Variants in IQSEC1 observed in about 807,000 individuals in gnomAD.
IQSEC1 encodes IQ motif and SEC7 domain-containing protein 1.
Under a neutral mutation model 91.0 loss-of-function variants are expected in IQSEC1, and 31 were observed. The observed-to-expected ratio is 0.34, with a 90% CI of 0.26 to 0.46. The LOEUF (loss-of-function observed/expected upper bound fraction) is 0.46, where lower values mean the gene tolerates loss of function less well. Ranked by LOEUF, IQSEC1 falls within the 20% of genes least tolerant of loss-of-function variation. The probability of loss-of-function intolerance (pLI) is 1.00; values close to 1 mark genes in which losing one functional copy is unlikely to be tolerated. For synonymous variants in IQSEC1, 699 were observed against 662.6 expected, an observed-to-expected ratio of 1.05 and a Z score of -0.84; for missense variants, 1,388 against 1,575.6, an observed-to-expected ratio of 0.88 and a Z score of 2.02.
intron 1 of IQSEC1, chr3:13,047,397 G>A (rs1413083936): frequency 1.9e-5 from 15 of 795,066 alleles, no homozygotes; most frequent in Non-Finnish European, 2.3e-5. Context: ...AGGGCTCTTG[G>A]AGGCCTGCCT....
chr3:13,126,179 CCTCA>C (rs753585449), intron 2 of IQSEC1, among the ~76,000 whole-genome samples: 2 of 110,106 alleles, frequency 1.8e-5, no homozygotes, highest in East Asian at 5.6e-4. Context: ...ATATCCATGC[CCTCA>C]AACATTCTCT....
At chr3:12,939,537 T>C (rs1698557604) in intron 2 of IQSEC1, among the ~76,000 whole-genome samples, 1 of 152,230 alleles carries the variant, frequency 6.6e-6, no homozygotes, top group African/African-American at 2.4e-5. Flanking sequence ...CCCTACTTTT[T>C]CATCTGGTGA....
At chr3:13,077,287 CAG>C (rs1327409751), upstream of IQSEC1, among the ~76,000 whole-genome samples, 1 of 152,134 alleles carries the variant, frequency 6.6e-6, no homozygotes, top group Non-Finnish European at 1.5e-5. Context: ...CTACAAGAAA[CAG>C]AACATGACGA....
rs376112383 is a variant in IQSEC1, at chr3:13,005,074, T to C, written c.24-63209A>G. ...GCTTTGATAAATAAAATTCACAGAC[T>C]CCAAAGTTATCTAAAAATTGGTTCT... is the stretch of plus-strand genomic sequence containing the variant. On this transcript the variant is annotated intron_variant, in intron 1 of 13. Coordinates refer to ENST00000613206, the MANE Select transcript of IQSEC1 (RefSeq NM_001134382.3). Among the ~76,000 whole-genome samples the C allele has an allele frequency of 1.8e-4, 28 of 152,290 alleles. No individual in the cohort carries two copies. The South Asian group carries it at 3.9e-3, about 21-fold the overall frequency.
intron 2 of IQSEC1, among the ~76,000 whole-genome samples, chr3:13,120,013 C>T (rs1017520370): frequency 1.3e-5 from 2 of 152,186 alleles, no homozygotes; most frequent in African/African-American, 4.8e-5. Flanking sequence ...TCTCTGCTCG[C>T]CTGGGCAGGC....
chr3:13,121,448 G>A (rs952709727), intron 2 of IQSEC1, among the ~76,000 whole-genome samples: 7 of 152,260 alleles, frequency 4.6e-5, no homozygotes, highest in Admixed American at 4.6e-4. Context: ...GTGGTTATCT[G>A]CTGAGTGAGT....
rs34002295 is a variant in IQSEC1, at chr3:13,117,569, C to CAAAAAAAAA, written c.302+46526_302+46534dup. Among the ~76,000 whole-genome samples the CAAAAAAAAA allele has an allele frequency of 2.1e-3, 20 of 9,460 alleles. 6 individuals carry two copies. The highest frequency in any genetic ancestry group is 7.7e-3 in the African/African-American group (18 of 2,350). The allele number at this position is 9,460 out of a possible 152,430, so 6.2% of individuals were successfully genotyped here. A position where few individuals can be genotyped will look rare whatever the true frequency, so the allele number is the denominator to read the frequency against. ...CTGGTGACAGAGCAAGACTCCGTCTCAAAAAAAAAAAAAAAAAAAAAAAAA... is the reference window on the plus strand; with the variant it reads ...CTGGTGACAGAGCAAGACTCCGTCTCAAAAAAAAAAAAAAAAAAAAAAAAAAAAAAAAAA... On this transcript the variant is annotated intron_variant, in intron 2 of 15. Transcript: ENST00000648114.
At chr3:12,939,630 A>G (rs1698565889) in intron 2 of IQSEC1, among the ~76,000 whole-genome samples, 1 of 152,068 alleles carries the variant, frequency 6.6e-6, no homozygotes, top group Non-Finnish European at 1.5e-5. Context: ...GTGGCCCTTG[A>G]TGTCGCCTCC....
intron 1 of IQSEC1, among the ~76,000 whole-genome samples, chr3:13,257,821 T>C (rs1695318129): frequency 1.3e-5 from 2 of 152,256 alleles, no homozygotes; most frequent in South Asian, 4.1e-4. Flanking sequence ...CACTCCTTGC[T>C]GTTTACTTAA....
At chr3:13,179,069 T>C (rs889308607) in intron 1 of IQSEC1, among the ~76,000 whole-genome samples, 2 of 152,228 alleles carry the variant, frequency 1.3e-5, no homozygotes, top group African/African-American at 4.8e-5. Context: ...ATTTCCTCCC[T>C]GCTACATAAA....
At chr3:12,918,693 G>A (rs1696338045) in intron 6 of IQSEC1, among the ~76,000 whole-genome samples, 3 of 152,176 alleles carry the variant, frequency 2.0e-5, no homozygotes, top group East Asian at 1.9e-4. Flanking sequence ...ATGGCAGTTC[G>A]CGCCTGTGGT....
At chr3:13,013,013 T>C (rs1357495601) in intron 1 of IQSEC1, among the ~76,000 whole-genome samples, 1 of 130,310 alleles carries the variant, frequency 7.7e-6, no homozygotes. Context: ...AAGGCTGGAG[T>C]GCAGTGGCAC....
chr3:13,156,807 T>C (rs6442353), intron 2 of IQSEC1, among the ~76,000 whole-genome samples: 85,267 of 151,434 alleles, frequency 0.56, 24,028 homozygotes, highest in Middle Eastern at 0.61. Flanking sequence ...TGAGGAGAAC[T>C]CATCTTGGGT....
At chr3:13,163,870 A>G (rs1693409106) in intron 2 of IQSEC1, among the ~76,000 whole-genome samples, 1 of 152,030 alleles carries the variant, frequency 6.6e-6, no homozygotes, top group Non-Finnish European at 1.5e-5. Context: ...TGCAGAGGTC[A>G]CTCTAAACAC....
chr3:13,154,403 A>G (rs1707047449), intron 2 of IQSEC1, among the ~76,000 whole-genome samples: 2 of 138,434 alleles, frequency 1.4e-5, no homozygotes, highest in Non-Finnish European at 3.1e-5. Context: ...TCACTGCCTG[A>G]CATGGAAACA....
In IQSEC1 at chr3:13,264,818, C is replaced by T. The variant is rs146741708; in HGVS notation, c.272+17893G>A. 1.8e-3 allele frequency among the ~76,000 whole-genome samples: 276 copies of T among 151,854 alleles called. 3 individuals carry two copies. The highest frequency in any genetic ancestry group is 6.1e-3 in the African/African-American group (251 of 41,396). ...CCCACCCCTTCCCTCTCACTCTATC[C>T]CTCTGGTTCTCTCCCCCTCCTCTCC... On this transcript the variant is annotated intron_variant, in intron 1 of 15. Coordinates refer to the IQSEC1 transcript ENST00000648114.
chr3:13,244,512 T>C (rs892208421), intron 1 of IQSEC1, among the ~76,000 whole-genome samples: 28 of 152,226 alleles, frequency 1.8e-4, no homozygotes, highest in Non-Finnish European at 2.9e-5. Flanking sequence ...AAATGTCTGC[T>C]GAGTGGATTA....
At chr3:13,029,681 C>T (rs1370631466) in intron 1 of IQSEC1, among the ~76,000 whole-genome samples, 5 of 152,210 alleles carry the variant, frequency 3.3e-5, no homozygotes, top group Non-Finnish European at 5.9e-5. Flanking sequence ...TGTGCGTGAG[C>T]GTGAGTGTGT....
intron 1 of IQSEC1, among the ~76,000 whole-genome samples, chr3:13,269,682 C>G (rs558316562): frequency 6.6e-6 from 1 of 152,324 alleles, no homozygotes; most frequent in African/African-American, 2.4e-5. Flanking sequence ...GGACAGCAGC[C>G]ACATTCCAGG....
Sources: allele counts gnomAD v4.1 joint callset (sites outside exome capture counted in the v4.1 genomes callset), GRCh38; gene constraint gnomAD v4.1.1; transcripts MANE v1.5; gene names NCBI Gene and HGNC (gene_info 2026-07-23, HGNC 2026-07-21).